Variants in PPP2R5C observed in about 807,000 individuals in gnomAD.
PPP2R5C encodes serine/threonine-protein phosphatase 2A 56 kDa regulatory subunit gamma isoform.
A neutral mutation model predicts 68.9 loss-of-function variants in PPP2R5C; 7 were observed. The ratio of observed to expected loss-of-function variants is 0.10; its 90% CI spans 0.06 to 0.19. PPP2R5C has a LOEUF of 0.19. Ranked by LOEUF, PPP2R5C falls within the 10% of genes least tolerant of loss-of-function variation. The pLI is 1.00. For missense variants in PPP2R5C, 348 were observed against 641.3 expected (o/e 0.54, Z 4.94); for synonymous variants, 210 against 222.2 (o/e 0.95, Z 0.49).
intron 2 of PPP2R5C, among the ~76,000 whole-genome samples, chr14:101,780,527 C>T (rs1296685831): frequency 6.6e-6 from 1 of 152,196 alleles, no homozygotes. Flanking sequence ...AGAGGCTCAC[C>T]TGGGCTGAAG....
intron 9 of PPP2R5C, among the ~76,000 whole-genome samples, chr14:101,904,881 GTCCTGGTGACTGCC>G (rs1348495567): frequency 6.6e-6 from 1 of 152,240 alleles, no homozygotes; most frequent in African/African-American, 2.4e-5. Context: ...CAGGCCAAGT[GTCCTGGTGACTGCC>G]TCGAACTCCC....
intron 2 of PPP2R5C, among the ~76,000 whole-genome samples, chr14:101,865,111 G>C (rs2094754805): frequency 6.6e-6 from 1 of 152,206 alleles, no homozygotes; most frequent in East Asian, 1.9e-4. Context: ...TGCTGGTTCA[G>C]GGGAAAGAGC....
intron 7 of PPP2R5C, among the ~76,000 whole-genome samples, chr14:101,893,896 G>A (rs1398166343): frequency 6.6e-6 from 1 of 152,234 alleles, no homozygotes; most frequent in Non-Finnish European, 1.5e-5. Context: ...TTTGGCTGCA[G>A]TGGGCGTCTT....
intron 3 of PPP2R5C, among the ~76,000 whole-genome samples, chr14:101,787,580 G>A (rs564883592): frequency 0.012 from 1,694 of 142,948 alleles, 33 homozygotes; most frequent in African/African-American, 0.043. Context: ...TGGCTAACAT[G>A]GTGAAACCCC....
chr14:101,926,079 C>T (rs910458885), exon 14 of PPP2R5C: 2 of 152,180 alleles, frequency 1.3e-5, no homozygotes, highest in African/African-American at 2.4e-5. Context: ...ATTTCGTTTC[C>T]GTCAACTTAA....
intron 2 of PPP2R5C, among the ~76,000 whole-genome samples, chr14:101,867,214 C>CAA (rs796766323): frequency 3.0e-5 from 4 of 131,986 alleles, no homozygotes; most frequent in Non-Finnish European, 6.6e-5. Context: ...GAGACTCTGT[C>CAA]AAAAAAAAAA....
chr14:101,871,228 T>TGGTTTTTG (rs563568983), intron 2 of PPP2R5C, among the ~76,000 whole-genome samples: 1,319 of 117,630 alleles, frequency 0.011, 20 homozygotes, highest in African/African-American at 0.048. Context: ...TGTTTTGGTT[T>TGGTTTTTG]TTGTTGTTGT....
Position 101,882,336 on chromosome 14 carries a change from C to T in PPP2R5C, c.405+65C>T, listed in dbSNP as rs770956265. 2.3e-6 allele frequency: 3 copies of T among 1,317,520 alleles called. No homozygotes were observed. The highest frequency in any genetic ancestry group is 3.2e-6 in the Non-Finnish European group (3 of 943,520). 81.6% of individuals were successfully genotyped at this position (1,317,520 alleles called of 1,614,324 possible). ...ACACATGGGAATGGCCTGGGATCCA[C>T]AGAGCGGGCGCACTGGTCTGGCCAG... is the stretch of plus-strand genomic sequence containing the variant. On this transcript the variant is annotated intron_variant, in intron 3 of 13. Transcript: ENST00000334743. The surrounding 1 kb of genome is among the most constrained non-coding windows in gnomAD (Gnocchi z 4.9).
rs567702587 is a variant in PPP2R5C, at chr14:101,838,221, G to C, written c.95-18465G>C. Among the ~76,000 whole-genome samples, 59 of 152,264 alleles carry C rather than the reference G, an allele frequency of 3.9e-4. No homozygotes were observed. In the South Asian group the frequency reaches 0.01, roughly 27 times the overall value. On this transcript the variant is annotated intron_variant, in intron 1 of 13. Transcript: ENST00000334743. ...GGAAGGGGGCAGACAGCGATGAAGC[G>C]GGGAGAGTAAAGACAAGTAGACCTG...
intron 8 of PPP2R5C, among the ~76,000 whole-genome samples, chr14:101,896,052 C>T (rs1438601659): frequency 6.6e-6 from 1 of 152,140 alleles, no homozygotes; most frequent in Non-Finnish European, 1.5e-5. Context: ...GAAAGTCTCA[C>T]TCTGTCACCC....
In PPP2R5C at chr14:101,888,392, G is replaced by A. The variant is rs1035696003; in HGVS notation, c.630-1845G>A. The stretch of plus-strand genomic sequence containing the variant: ...GTGCAGGCTGAGGGACACCAGGTGC[G>A]AGCATTTTCTGTTTCTTGTCATGGC... On this transcript the variant is annotated intron_variant, in intron 5 of 13. Coordinates refer to ENST00000334743, the Ensembl canonical transcript of PPP2R5C. The surrounding 1 kb of genome is among the most constrained non-coding windows in gnomAD (Gnocchi z 5.6). 3.3e-5 allele frequency among the ~76,000 whole-genome samples: 5 copies of A among 152,000 alleles called. No homozygotes were observed. The highest frequency in any genetic ancestry group is 5.9e-5 in the Non-Finnish European group (4 of 67,992).
chr14:101,906,383 A>G lies in PPP2R5C; in HGVS notation c.1024-19A>G. On this transcript the variant is annotated intron_variant, in intron 9 of 13. Coordinates refer to ENST00000334743, the Ensembl canonical transcript of PPP2R5C. The surrounding 1 kb of genome is among the most constrained non-coding windows in gnomAD (Gnocchi z 4.0). ...TCTCAGGCACAACCTCCAGCAAGCC[A>G]TCCACTTGTGTCTTTCAGGTGGCAG... 5.7e-6 allele frequency: 9 copies of G among 1,577,972 alleles called. No homozygotes were observed. Among genetic ancestry groups the G allele is most frequent in the Non-Finnish European group, 7.7e-6 (9 of 1,163,954 alleles).
rs1014675536 is a variant in PPP2R5C at position 101,913,142 on chromosome 14, G to A, written c.1326+669G>A. The stretch of plus-strand genomic sequence containing the variant: ...ATGTACGCTGCTGTAAATGACTAGA[G>A]CGTTATGACAGTTTCTTCACGTTCT... On this transcript the variant is annotated intron_variant, in intron 12 of 13. Transcript: ENST00000334743. The surrounding 1 kb of genome is among the most constrained non-coding windows in gnomAD (Gnocchi z 4.1). Among the ~76,000 whole-genome samples, 1 of 152,194 alleles carries A rather than the reference G, an allele frequency of 6.6e-6. No individual in the cohort carries two copies. The highest frequency in any genetic ancestry group is 1.5e-5 in the Non-Finnish European group (1 of 68,032).
rs1232196428 is a variant in PPP2R5C at position 101,781,645 on chromosome 14, T to G, written c.94-4373T>G. ...CCGGCCGCCTCCGGAGCCTCCGGCA[T>G]GGGCCCCAGGCCGGGGTCCCGCCTT... On this transcript the variant is annotated intron_variant, in intron 2 of 14. Coordinates refer to the PPP2R5C transcript ENST00000328724. The surrounding 1 kb of genome is among the most constrained non-coding windows in gnomAD (Gnocchi z 6.4). Among the ~76,000 whole-genome samples, 1 of 152,114 alleles carries G rather than the reference T, an allele frequency of 6.6e-6. No individual in the cohort carries two copies. Among genetic ancestry groups the G allele is most frequent in the Non-Finnish European group, 1.5e-5 (1 of 67,992 alleles).
At chr14:101,872,868 C>T (rs2043513959) in intron 2 of PPP2R5C, among the ~76,000 whole-genome samples, 1 of 151,554 alleles carries the variant, frequency 6.6e-6, no homozygotes, top group African/African-American at 2.4e-5. Context: ...CTTTAGGGAT[C>T]CCAATAACGT....
At chr14:101,791,196 T>G (rs1044510226) in intron 3 of PPP2R5C, among the ~76,000 whole-genome samples, 2 of 152,270 alleles carry the variant, frequency 1.3e-5, no homozygotes, top group African/African-American at 4.8e-5. Context: ...GCCACATTCT[T>G]GCCAATATCT....
intron 2 of PPP2R5C, among the ~76,000 whole-genome samples, chr14:101,872,129 G>A (rs1265180858): frequency 2.0e-5 from 3 of 151,460 alleles, no homozygotes; most frequent in Non-Finnish European, 4.4e-5. Flanking sequence ...CTGCTTGAAG[G>A]ACTGTCTTAA....
At chr14:101,907,896 G>T (rs2046144077) in intron 10 of PPP2R5C, among the ~76,000 whole-genome samples, 1 of 152,170 alleles carries the variant, frequency 6.6e-6, no homozygotes, top group Non-Finnish European at 1.5e-5. Context: ...GTTAGCCCTG[G>T]AGCTCTGAGC....
intron 8 of PPP2R5C, among the ~76,000 whole-genome samples, chr14:101,896,756 G>C (rs1287460140): frequency 6.6e-6 from 1 of 151,646 alleles, no homozygotes; most frequent in Non-Finnish European, 1.5e-5. Context: ...AGGAATGTTA[G>C]GAACCAATTC....
Sources: gnomAD v4.1 joint callset for allele counts (sites outside exome capture counted in the v4.1 genomes callset) on GRCh38, gnomAD v4.1.1 for gene constraint, Gnocchi (gnomAD v3.1) non-coding constraint, MANE v1.5 for transcripts, NCBI Gene and HGNC (gene_info 2026-07-23, HGNC 2026-07-21) for gene names.